Variants in RB1 observed in about 807,000 individuals in gnomAD.
RB1 encodes the protein retinoblastoma-associated protein.
In RB1, 18 loss-of-function variants were observed where a neutral mutation model predicts 135.4. The observed-to-expected ratio is 0.13, with a 90% CI of 0.09 to 0.20. RB1 has a LOEUF of 0.20. Ranked by LOEUF, RB1 falls within the 10% of genes least tolerant of loss-of-function variation. RB1 has a pLI of 1.00. For missense variants in RB1, 868 were observed against 1,110.0 expected (o/e 0.78, Z 3.10); for synonymous variants, 365 against 373.2 (o/e 0.98, Z 0.25).
At chr13:48,377,155 C>CTATA (rs907143876) in intron 13 of RB1, 121 bp downstream of exon 13, 5 of 1,043,604 alleles carry the variant, frequency 4.8e-6, no homozygotes, top group Non-Finnish European at 5.8e-6. Flanking sequence ...CTGTCAGATA[C>CTATA]TATATCCCTG....
intron 2 of RB1, 74 bp downstream of exon 2, chr13:48,307,480 A>G: frequency 7.1e-7 from 1 of 1,409,784 alleles, no homozygotes; most frequent in Non-Finnish European, 9.9e-7. Context: ...CTATACAAAA[A>G]TTGAAAGATA....
At chr13:48,395,567 A>C (rs1278086093) in intron 17 of RB1, among the ~76,000 whole-genome samples, 1 of 151,958 alleles carries the variant, frequency 6.6e-6, no homozygotes, top group Non-Finnish European at 1.5e-5. Flanking sequence ...ACACAACACG[A>C]GGACTTTGTG....
chr13:48,443,963 C>A (rs915206747), intron 17 of RB1, among the ~76,000 whole-genome samples: 1 of 152,180 alleles, frequency 6.6e-6, no homozygotes, highest in African/African-American at 2.4e-5. Flanking sequence ...CAGTTGTCAA[C>A]ACAAAAGACT....
At position 48,412,414 on chromosome 13, in the gene RB1, C is replaced by T. The variant is rs200140945; in HGVS notation, c.1695+30971C>T. The T allele has an allele frequency of 4.5e-5, 72 of 1,613,012 alleles. 1 individual carries two copies. The East Asian group carries it at 8.5e-4, about 19-fold the overall frequency. Reference sequence around the variant, plus strand: ...TTATAGAAGCAGTGGGAGCTGTTAACGCTTACCATCGTAAAGGCACGTCCA... The same window carrying T: ...TTATAGAAGCAGTGGGAGCTGTTAATGCTTACCATCGTAAAGGCACGTCCA... On this transcript the variant is annotated intron_variant, in intron 17 of 26. Transcript: ENST00000267163.
At chr13:48,333,648 A>G (rs1952356574) in intron 2 of RB1, among the ~76,000 whole-genome samples, 1 of 152,014 alleles carries the variant, frequency 6.6e-6, no homozygotes, top group Admixed American at 6.6e-5. Context: ...ATGGGAGCTG[A>G]AGAAACTATA....
intron 11 of RB1, 94 bp downstream of exon 11, chr13:48,368,698 C>A: frequency 6.7e-7 from 1 of 1,497,686 alleles, no homozygotes; most frequent in Non-Finnish European, 9.0e-7. Context: ...TGTATTCATA[C>A]ATACATGTAA....
intron 13 of RB1, among the ~76,000 whole-genome samples, 161 bp downstream of exon 13, chr13:48,377,195 A>G (rs535016136): frequency 2.0e-5 from 3 of 152,274 alleles, no homozygotes; most frequent in African/African-American, 7.2e-5. Flanking sequence ...TTTATGGGTA[A>G]CTTTATGGAA....
At chr13:48,327,861 C>T (rs1020023483) in intron 2 of RB1, among the ~76,000 whole-genome samples, 11 of 152,120 alleles carry the variant, frequency 7.2e-5, no homozygotes, top group African/African-American at 2.7e-4. Context: ...AAACTAATCA[C>T]ACAAAACTAC....
At chr13:48,379,711 C>T (rs2138141327) in intron 14 of RB1, 61 bp downstream of exon 14, 1 of 1,564,880 alleles carries the variant, frequency 6.4e-7, no homozygotes, top group Admixed American at 1.8e-5. Flanking sequence ...CCTGCAATCC[C>T]AGCACTTTGG....
intron 23 of RB1, among the ~76,000 whole-genome samples, chr13:48,466,502 TCTC>T (rs1949445727): frequency 6.6e-6 from 1 of 151,190 alleles, no homozygotes; most frequent in African/African-American, 2.4e-5. Context: ...GCAGAGCGCC[TCTC>T]CTCCTCCAAA....
rs2138108030 is a variant in RB1, at chr13:48,360,122, C to G, written c.713C>G (p.Pro238Arg). ...TCACCTCCCATGTTGCTCAAAGAAC[C>G]ATATAGTAAGTATTTAATTTATGCC... ...KLSPPMLLKE[P>R]YKTAVIPING... Residue 238 changes from proline (P) to arginine (R), a missense_variant, in exon 7 of 27, where the codon CCA (proline) becomes CGA (arginine). Physicochemically the swap from Pro to Arg is moderately radical, Grantham distance 103. Transcript: ENST00000267163. The G allele has an allele frequency of 6.2e-7, 1 of 1,612,260 alleles. No individual in the cohort carries two copies. Among genetic ancestry groups the G allele is most frequent in the African/African-American group, 1.3e-5 (1 of 74,908 alleles).
chr13:48,333,289 C>G (rs949128607), intron 2 of RB1: 1 of 374,570 alleles, frequency 2.7e-6, no homozygotes, highest in Non-Finnish European at 4.7e-6. Flanking sequence ...TATTGTTAAT[C>G]CATATAATTG....
At chr13:48,388,704 A>G (rs561898203) in intron 17 of RB1, among the ~76,000 whole-genome samples, 1 of 152,322 alleles carries the variant, frequency 6.6e-6, no homozygotes, top group Admixed American at 6.5e-5. Context: ...GGATAAGATC[A>G]CTTAAGGGGA....
intron 11 of RB1, 43 bp from the exon 12 acceptor site, chr13:48,373,362 C>G (rs955333850): frequency 8.4e-7 from 1 of 1,190,926 alleles, no homozygotes; most frequent in Non-Finnish European, 1.2e-6. Flanking sequence ...CTTTTTTTCT[C>G]CCTTCATTGC....
intron 17 of RB1, among the ~76,000 whole-genome samples, chr13:48,448,651 A>G (rs1235700986): frequency 3.3e-5 from 5 of 152,260 alleles, no homozygotes; most frequent in African/African-American, 9.6e-5. Context: ...TTAAGAAAAG[A>G]CAGTTTGTTT....
intron 17 of RB1, among the ~76,000 whole-genome samples, chr13:48,450,647 T>G (rs1489874036): frequency 1.3e-5 from 2 of 152,216 alleles, no homozygotes; most frequent in Non-Finnish European, 2.9e-5. Flanking sequence ...ATATTTGCGC[T>G]CTTTTTTGAT....
At position 48,318,273 on chromosome 13, in the gene RB1, C is replaced by G. The variant is rs965660209; in HGVS notation, c.264+10867C>G. 3.1e-6 allele frequency: 3 copies of G among 970,032 alleles called. No homozygotes were observed. In the East Asian group the frequency reaches 8.1e-5, roughly 26 times the overall value. The allele number at this position is 970,032 out of a possible 1,614,324, so 60.1% of individuals were successfully genotyped here. ...CGGCGGGCTTCTGTCTTTCCAGTCTCTCGGGAGCCCGCCCAGCTGCTCCAG... is the reference window on the plus strand; with the variant it reads ...CGGCGGGCTTCTGTCTTTCCAGTCTGTCGGGAGCCCGCCCAGCTGCTCCAG... On this transcript the variant is annotated intron_variant, in intron 2 of 26. Transcript: ENST00000267163.
chr13:48,359,571 AATT>A (rs1413409085), intron 6 of RB1, among the ~76,000 whole-genome samples: 5 of 147,660 alleles, frequency 3.4e-5, no homozygotes, highest in African/African-American at 7.3e-5. Flanking sequence ...TTTGAATTCT[AATT>A]ATTATAATAA....
chr13:48,418,354 C>T (rs1214651884), intron 17 of RB1, among the ~76,000 whole-genome samples: 4 of 152,078 alleles, frequency 2.6e-5, no homozygotes, highest in Non-Finnish European at 5.9e-5. Flanking sequence ...CACCACCAGG[C>T]CTGCATTACA....
Sources: gnomAD v4.1 joint callset for allele counts (sites outside exome capture counted in the v4.1 genomes callset) on GRCh38, gnomAD v4.1.1 for gene constraint, MANE v1.5 for transcripts, NCBI Gene and HGNC (gene_info 2026-07-23, HGNC 2026-07-21) for gene names.